Variants in ATXN2 observed in about 807,000 individuals in gnomAD.
The protein encoded by ATXN2 is ataxin-2.
Under a neutral mutation model 138.6 loss-of-function variants are expected in ATXN2, and 37 were observed. That is an observed-to-expected ratio of 0.27 (90% CI 0.21 to 0.35). ATXN2 has a LOEUF of 0.35. Among genes scored for constraint, ATXN2 ranks in the 10% least tolerant of loss-of-function variants. The pLI is 1.00. For missense variants in ATXN2, 1,216 were observed against 1,480.3 expected, an observed-to-expected ratio of 0.82 and a Z score of 2.93; for synonymous variants, 549 against 543.7, an observed-to-expected ratio of 1.01 and a Z score of -0.13.
intron 6 of ATXN2, among the ~76,000 whole-genome samples, chr12:111,522,144 C>T (rs150362837): frequency 1.3e-5 from 2 of 150,976 alleles, no homozygotes; most frequent in East Asian, 1.9e-4. Flanking sequence ...ACCACCAATG[C>T]AATTCCTTTT....
intron 14 of ATXN2, among the ~76,000 whole-genome samples, chr12:111,505,126 T>G (rs775198687): frequency 1.9e-4 from 29 of 152,088 alleles, no homozygotes; most frequent in Non-Finnish European, 4.0e-4. Flanking sequence ...AGCTACTCAT[T>G]TGAGCCCAGG....
intron 1 of ATXN2, among the ~76,000 whole-genome samples, chr12:111,578,526 C>G (rs1883812546): frequency 6.6e-6 from 1 of 152,124 alleles, no homozygotes; most frequent in Admixed American, 6.6e-5. Flanking sequence ...GAGTAATACT[C>G]TGTACGACAG....
At chr12:111,533,536 T>C (rs1239408273) in intron 5 of ATXN2, among the ~76,000 whole-genome samples, 2 of 146,314 alleles carry the variant, frequency 1.4e-5, no homozygotes, top group Non-Finnish European at 2.9e-5. Flanking sequence ...TTTCAGACAG[T>C]TTTTTTTCTT....
chr12:111,475,964 A>G (rs1440719040), intron 18 of ATXN2, among the ~76,000 whole-genome samples: 1 of 151,338 alleles, frequency 6.6e-6, no homozygotes, highest in Non-Finnish European at 1.5e-5. Context: ...ATACACACAC[A>G]CTTTAAATAC....
rs547968911 is a variant in ATXN2, at chr12:111,523,236, AG to A, written c.696+1955del. 4.1e-4 allele frequency among the ~76,000 whole-genome samples: 62 copies of A among 151,832 alleles called. 1 individual carries two copies. The highest frequency in any genetic ancestry group is 1.5e-3 in the African/African-American group (61 of 41,194). ...CAGAGCAAGACTCTGTCTCAAAAAA[AG>A]AAAAAAAAAAGCAAATAGGATCCCA... On this transcript the variant is annotated intron_variant, in intron 6 of 24. Coordinates refer to ENST00000673436, the MANE Select transcript of ATXN2 (RefSeq NM_001372574.1).
intron 20 of ATXN2, 68 bp downstream of exon 20, chr12:111,470,033 GATAGAGT>G: frequency 6.8e-7 from 1 of 1,467,016 alleles, no homozygotes; most frequent in South Asian, 1.4e-5. Flanking sequence ...GTTATTCTTA[GATAGAGT>G]ATGTTTTCAG....
chr12:111,581,378 C>T (rs1883995748), intron 1 of ATXN2: 2 of 664,222 alleles, frequency 3.0e-6, no homozygotes, highest in South Asian at 3.0e-5. Flanking sequence ...CCCTGGACAC[C>T]ATGAACCACA....
At chr12:111,549,352 C>G (rs1882000861) in intron 5 of ATXN2, among the ~76,000 whole-genome samples, 2 of 151,732 alleles carry the variant, frequency 1.3e-5, no homozygotes, top group African/African-American at 4.8e-5. Context: ...ATGGTGAAAC[C>G]CAGTCTGTAC....
intron 1 of ATXN2, among the ~76,000 whole-genome samples, chr12:111,569,676 A>G (rs1319600437): frequency 2.0e-5 from 3 of 152,146 alleles, no homozygotes; most frequent in African/African-American, 7.2e-5. Flanking sequence ...GGATCATGCC[A>G]CTGGACTCCA....
intron 23 of ATXN2, chr12:111,455,675 G>T (rs373054618): frequency 5.9e-6 from 2 of 340,300 alleles, no homozygotes; most frequent in African/African-American, 2.1e-5. Context: ...GGCTTCCAAG[G>T]TAAGTGTGTA....
intron 5 of ATXN2, among the ~76,000 whole-genome samples, chr12:111,533,285 G>T (rs1476806099): frequency 6.6e-6 from 1 of 152,106 alleles, no homozygotes; most frequent in Non-Finnish European, 1.5e-5. Flanking sequence ...ATCTATGGGG[G>T]ATTGGTTCTA....
chr12:111,553,535 C>T (rs534922975), intron 3 of ATXN2, among the ~76,000 whole-genome samples: 2 of 108,746 alleles, frequency 1.8e-5, no homozygotes, highest in East Asian at 3.1e-4. Flanking sequence ...AACGTCCGTA[C>T]ATCTTTGGTT....
intron 18 of ATXN2, 21 bp from the exon 19 acceptor site, chr12:111,470,763 T>C (rs201729355): frequency 6.2e-7 from 1 of 1,612,878 alleles, no homozygotes; most frequent in African/African-American, 1.3e-5. Flanking sequence ...AAAAGCAGAC[T>C]GCCTATTAAA....
In ATXN2 at chr12:111,488,617, T is replaced by C. The variant is rs1877801813; in HGVS notation, c.2099A>G (p.Asn700Ser). The change falls in exon 15 of 25, where the codon AAT becomes AGT. Residue 700 changes from asparagine (N) to serine (S), a missense_variant. Transcript: ENST00000673436. ...TATTGAAGGGGAAATGCTGGGGCTATTCGGCTTGCTGCTGCCACTGGTACA... is the reference window on the plus strand; with the variant it reads ...TATTGAAGGGGAAATGCTGGGGCTACTCGGCTTGCTGCTGCCACTGGTACA... ...SNCTSGSSKP[N>S]SPSISPSILS... The C allele has an allele frequency of 5.6e-6, 9 of 1,614,208 alleles. No homozygotes were observed. The highest frequency in any genetic ancestry group is 7.6e-6 in the Non-Finnish European group (9 of 1,180,038).
chr12:111,511,840 G>A (rs1346007145), intron 11 of ATXN2: 2 of 152,146 alleles, frequency 1.3e-5, no homozygotes, highest in African/African-American at 4.8e-5. Context: ...AAAATAAAAA[G>A]TACAAAGGAA....
chr12:111,557,892 A>G lies in ATXN2; in HGVS notation c.252-1973T>C, dbSNP rs146252656. Among the ~76,000 whole-genome samples the G allele has an allele frequency of 4.6e-3, 703 of 152,292 alleles. 6 individuals carry two copies. The highest frequency in any genetic ancestry group is 0.015 in the African/African-American group (644 of 41,560). ...ATCTGGTATCCTGGTGGCTGCTGAG[A>G]TGCCAAGTTACAAAACCTTGAACAA... On this transcript the variant is annotated intron_variant, in intron 1 of 24. Transcript: ENST00000673436.
At chr12:111,576,951 C>A (rs1237454384) in intron 1 of ATXN2, among the ~76,000 whole-genome samples, 2 of 151,742 alleles carry the variant, frequency 1.3e-5, no homozygotes, top group African/African-American at 4.8e-5. Flanking sequence ...GAGCGAGACT[C>A]CGTCTCCAAA....
intron 14 of ATXN2, among the ~76,000 whole-genome samples, chr12:111,494,643 C>A (rs776328331): frequency 1.3e-5 from 2 of 152,038 alleles, no homozygotes; most frequent in Non-Finnish European, 2.9e-5. Context: ...CCAGGCTGGT[C>A]TCAATCTCCT....
intron 18 of ATXN2, among the ~76,000 whole-genome samples, chr12:111,481,336 C>A (rs1877221908): frequency 6.6e-6 from 1 of 151,974 alleles, no homozygotes; most frequent in African/African-American, 2.4e-5. Flanking sequence ...CCCCAGCTAT[C>A]TGGGAGGGTG....
Sources: allele counts gnomAD v4.1 joint callset (sites outside exome capture counted in the v4.1 genomes callset), GRCh38; gene constraint gnomAD v4.1.1; transcripts MANE v1.5; gene names NCBI Gene and HGNC (gene_info 2026-07-23, HGNC 2026-07-21).